The following ERCC1 variants were observed in gnomAD, a reference collection of about 807,000 sequenced individuals.
ERCC1 encodes the protein DNA excision repair protein ERCC-1.
In ERCC1, 36 loss-of-function variants were observed where a neutral mutation model predicts 37.6. That is an observed-to-expected ratio of 0.96 (90% CI 0.73 to 1.26). The LOEUF (loss-of-function observed/expected upper bound fraction) is 1.26. ERCC1 is among the 50% of genes most tolerant of loss of function. The probability of loss-of-function intolerance (pLI) is 0.00; values close to 1 mark genes in which losing one functional copy is unlikely to be tolerated. For synonymous variants in ERCC1, 156 were observed against 162.1 expected, an observed-to-expected ratio of 0.96 and a Z score of 0.28; for missense variants, 349 against 376.5, an observed-to-expected ratio of 0.93 and a Z score of 0.60.
intron 1 of ERCC1, among the ~76,000 whole-genome samples, chr19:45,444,430 A>G (rs1014770386): frequency 4.6e-5 from 7 of 151,592 alleles, no homozygotes; most frequent in South Asian, 2.1e-4. Context: ...GCGGCAAAAC[A>G]CTGGTCTCCA....
chr19:45,420,245 G>A lies in ERCC1; in HGVS notation c.425+79C>T. On this transcript the variant is annotated intron_variant, in intron 4 of 9. Transcript: ENST00000300853. This position sits in a 1 kb window ranked among gnomAD's most constrained non-coding sequence, Gnocchi z 4.8. ...ATGCCCAGAGGCTTCTCATAGAACA[G>A]TCCAGAACACTGGGACATGACCCTC... 2.1e-6 allele frequency: 2 copies of A among 943,540 alleles called. No individual in the cohort carries two copies. Among genetic ancestry groups the A allele is most frequent in the South Asian group, 2.7e-5 (2 of 73,068 alleles). The allele number at this position is 943,540 out of a possible 1,614,324, so 58.4% of individuals were successfully genotyped here. A position where few individuals can be genotyped will look rare whatever the true frequency, so the allele number is the denominator to read the frequency against.
intron 1 of ERCC1, among the ~76,000 whole-genome samples, chr19:45,438,271 T>G (rs2123595279): frequency 6.6e-6 from 1 of 152,228 alleles, no homozygotes; most frequent in South Asian, 2.1e-4. Flanking sequence ...TCTCACTACA[T>G]TGCCCAGATT....
At position 45,413,652 on chromosome 19, in the gene ERCC1, T is replaced by G; in HGVS notation, c.843+25A>C. 1.9e-6 allele frequency: 3 copies of G among 1,614,224 alleles called. No individual in the cohort carries two copies. In the South Asian group the frequency reaches 3.3e-5, roughly 18 times the overall value. On this transcript the variant is annotated intron_variant, in intron 9 of 9. Coordinates refer to ENST00000300853, the MANE Select transcript of ERCC1 (RefSeq NM_001983.4). Reference sequence around the variant, plus strand: ...GGGGCTCTCTCCTTCCCCCAACTCCTTGGGTTCTTTCCCAGAGCTCTTACT... The same window carrying G: ...GGGGCTCTCTCCTTCCCCCAACTCCGTGGGTTCTTTCCCAGAGCTCTTACT...
chr19:45,420,384 T>C lies in ERCC1; in HGVS notation c.365A>G (p.Glu122Gly). ...ATAGTCGGGAATTACGTCGCCAAAT[T>C]CCCAGGGCACATTGCGCACGAACTT... Reference protein sequence around the residue: ...VLKFVRNVPWEFGDVIPDYVL... With the variant: ...VLKFVRNVPWGFGDVIPDYVL... Residue 122 changes from glutamate to glycine, a missense_variant, in exon 4 of 10, where the codon GAA (glutamate) becomes GGA (glycine). Physicochemically the swap from Glu to Gly is moderately conservative, Grantham distance 98 (BLOSUM62 -2). Coordinates refer to ENST00000300853, the MANE Select transcript of ERCC1 (RefSeq NM_001983.4). This position sits in a 1 kb window ranked among gnomAD's most constrained non-coding sequence, Gnocchi z 4.8. 1 of 1,613,742 alleles carries C rather than the reference T, an allele frequency of 6.2e-7. No individual in the cohort carries two copies. The highest frequency in any genetic ancestry group is 1.1e-5 in the South Asian group (1 of 91,002).
intron 1 of ERCC1, among the ~76,000 whole-genome samples, chr19:45,439,904 C>A (rs1975075277): frequency 6.6e-6 from 1 of 152,118 alleles, no homozygotes; most frequent in Non-Finnish European, 1.5e-5. Context: ...CGCGCGGCGC[C>A]GCGTCCATTT....
chr19:45,416,750 C>T (rs1974092646), intron 6 of ERCC1, 71 bp downstream of exon 6: 2 of 1,150,884 alleles, frequency 1.7e-6, no homozygotes, highest in East Asian at 2.4e-5. Context: ...AAGGGCTGGG[C>T]AGGGTGGGAT....
chr19:45,421,079 A>G, intron 3 of ERCC1, 99 bp downstream of exon 3: 1 of 968,034 alleles, frequency 1.0e-6, no homozygotes, highest in Non-Finnish European at 1.7e-6. Context: ...GGGGAGAACA[A>G]AGTGGCTGGA....
chr19:45,434,097 T>C (rs547296863), intron 1 of ERCC1, among the ~76,000 whole-genome samples: 80 of 146,042 alleles, frequency 5.5e-4, no homozygotes, highest in Non-Finnish European at 8.8e-4. Flanking sequence ...TGAGCCGAGA[T>C]TGTGCCACTG....
At chr19:45,432,914 C>G (rs1037331789) in intron 1 of ERCC1, among the ~76,000 whole-genome samples, 1 of 152,046 alleles carries the variant, frequency 6.6e-6, no homozygotes, top group African/African-American at 2.4e-5. Context: ...AACCCTGTCT[C>G]TACTAAAAAT....
upstream of ERCC1, among the ~76,000 whole-genome samples, chr19:45,426,564 A>G (rs1001730529): frequency 6.6e-6 from 1 of 151,400 alleles, no homozygotes; most frequent in Non-Finnish European, 1.5e-5. Context: ...AAAAAAAAAA[A>G]AAATTTTTTT....
intron 1 of ERCC1, among the ~76,000 whole-genome samples, chr19:45,438,163 G>A (rs771283233): frequency 2.6e-5 from 4 of 152,116 alleles, no homozygotes; most frequent in Admixed American, 6.5e-5. Flanking sequence ...ACCCGCCTCC[G>A]TCTCCCAAAG....
chr19:45,418,526 TAA>T (rs2123496489), intron 5 of ERCC1, among the ~76,000 whole-genome samples: 1 of 139,098 alleles, frequency 7.2e-6, no homozygotes, highest in East Asian at 2.2e-4. Flanking sequence ...CTTAAAAAAA[TAA>T]AAGAGAGAGA....
rs546098765 is a variant in ERCC1, at chr19:45,409,901, T to A, written c.844-176A>T. ...AGTTATTATTATTATTATTATTTTTTTTTTTTTTGAGATGGAGTCTCGCTC... is the reference window on the plus strand; with the variant it reads ...AGTTATTATTATTATTATTATTTTTATTTTTTTTGAGATGGAGTCTCGCTC... On this transcript the variant is annotated intron_variant, in intron 9 of 9. Coordinates refer to ENST00000300853, the MANE Select transcript of ERCC1 (RefSeq NM_001983.4). 1,107 of 242,122 alleles carry A rather than the reference T, an allele frequency of 4.6e-3. 16 individuals carry two copies. The highest frequency in any genetic ancestry group is 0.03 in the African/African-American group (1,030 of 34,298). The allele number at this position is 242,122 out of a possible 1,614,324, so 15.0% of individuals were successfully genotyped here. A position where few individuals can be genotyped will look rare whatever the true frequency, so the allele number is the denominator to read the frequency against.
Position 45,419,819 on chromosome 19 carries a change from G to A in ERCC1, c.425+505C>T, listed in dbSNP as rs111458185. Among the ~76,000 whole-genome samples the A allele has an allele frequency of 6.1e-3, 931 of 151,862 alleles. 10 individuals are homozygous for A. The highest frequency in any genetic ancestry group is 0.021 in the African/African-American group (850 of 41,380). On this transcript the variant is annotated intron_variant, in intron 4 of 9. Coordinates refer to ENST00000300853, the MANE Select transcript of ERCC1 (RefSeq NM_001983.4). ...ACATGAGTGACCCAGTCCCTCCTCC[G>A]TCAGATCCAGGAGTCTGGGCCCAGC...
Position 45,423,446 on chromosome 19 carries a change from A to AC in ERCC1, c.-7-66dup, listed in dbSNP as rs56298105. 0.017 allele frequency: 26,183 copies of AC among 1,535,712 alleles called. 3,595 individuals are homozygous for AC. The African/African-American group carries it at 0.31, about 18-fold the overall frequency. On this transcript the variant is annotated intron_variant, in intron 1 of 9. Coordinates refer to ENST00000300853, the MANE Select transcript of ERCC1 (RefSeq NM_001983.4). Reference sequence around the variant, plus strand: ...TCTACGTTCTCATCCCGCAGCAGGAACCCCCCACTCACAGCCGTCCCCCAC... The same window carrying AC: ...TCTACGTTCTCATCCCGCAGCAGGAACCCCCCCACTCACAGCCGTCCCCCAC...
intron 1 of ERCC1, among the ~76,000 whole-genome samples, chr19:45,434,188 A>G (rs1465922093): frequency 1.3e-5 from 2 of 150,468 alleles, no homozygotes; most frequent in African/African-American, 4.9e-5. Flanking sequence ...AGGAAGAAGA[A>G]GAAGAGACCT....
At chr19:45,411,157 C>T (rs1317717996) in intron 9 of ERCC1, among the ~76,000 whole-genome samples, 1 of 152,108 alleles carries the variant, frequency 6.6e-6, no homozygotes, top group Non-Finnish European at 1.5e-5. Context: ...TGAAGAGTAT[C>T]CATTGTGTGT....
intron 1 of ERCC1, among the ~76,000 whole-genome samples, chr19:45,430,138 G>A (rs563085266): frequency 1.1e-3 from 171 of 152,318 alleles, no homozygotes; most frequent in Non-Finnish European, 1.6e-3. Flanking sequence ...AGCCCCATAA[G>A]GGCAGGGTCA....
chr19:45,437,572 G>GT, intron 1 of ERCC1, among the ~76,000 whole-genome samples: 1 of 152,294 alleles, frequency 6.6e-6, no homozygotes, highest in East Asian at 1.9e-4. Context: ...GGAACTGGAG[G>GT]ACATTATTCT....
Sources: allele counts gnomAD v4.1 joint callset (sites outside exome capture counted in the v4.1 genomes callset), GRCh38; gene constraint gnomAD v4.1.1; non-coding constraint Gnocchi (gnomAD v3.1); transcripts MANE v1.5; gene names NCBI Gene and HGNC (gene_info 2026-07-23, HGNC 2026-07-21).